The following ZNRF1 variants were observed in gnomAD, a reference collection of about 807,000 sequenced individuals.
ZNRF1 encodes the protein E3 ubiquitin-protein ligase ZNRF1.
ZNRF1 carries 3 observed loss-of-function variants against 18.4 expected under a neutral mutation model. The observed-to-expected ratio is 0.16, with a 90% confidence interval of 0.07 to 0.42. The LOEUF is 0.42. ZNRF1 is among the 10% of genes least tolerant of loss of function. ZNRF1 has a pLI of 0.99. For missense variants in ZNRF1, 310 were observed against 329.8 expected (o/e 0.94, Z 0.47); for synonymous variants, 157 against 144.2 (o/e 1.09, Z -0.64).
At chr16:75,060,350 C>T (rs189595997) in intron 1 of ZNRF1, among the ~76,000 whole-genome samples, 90 of 152,088 alleles carry the variant, frequency 5.9e-4, no homozygotes, top group Middle Eastern at 3.4e-3. Context: ...TGCACCCGGC[C>T]GACAGTTTTC....
chr16:75,069,477 G>T (rs1312854403), intron 1 of ZNRF1, among the ~76,000 whole-genome samples: 1 of 152,074 alleles, frequency 6.6e-6, no homozygotes. Context: ...ACAGTGGCGC[G>T]ATCTCGGCTC....
chr16:75,076,090 A>G (rs1206386643), intron 1 of ZNRF1, among the ~76,000 whole-genome samples: 1 of 152,248 alleles, frequency 6.6e-6, no homozygotes, highest in Non-Finnish European at 1.5e-5. Context: ...TGAGATATAG[A>G]GCCCTGGAGG....
At chr16:75,052,014 A>G (rs912245519) in intron 1 of ZNRF1, among the ~76,000 whole-genome samples, 2 of 152,246 alleles carry the variant, frequency 1.3e-5, no homozygotes, top group Non-Finnish European at 2.9e-5. Context: ...CTTGGTGGAA[A>G]GTTTACATAC....
intron 1 of ZNRF1, among the ~76,000 whole-genome samples, chr16:75,036,416 C>T (rs2035376571): frequency 1.3e-5 from 2 of 152,286 alleles, no homozygotes; most frequent in East Asian, 3.9e-4. Context: ...CAGCCGTGAG[C>T]CACTACACCG....
chr16:75,069,772 C>A (rs866013697), intron 1 of ZNRF1, among the ~76,000 whole-genome samples: 1 of 152,190 alleles, frequency 6.6e-6, no homozygotes, highest in Non-Finnish European at 1.5e-5. Flanking sequence ...AGATCTTCCC[C>A]CTGGGCCTCG....
chr16:74,999,781 A>T lies in ZNRF1; in HGVS notation c.110A>T (p.Tyr37Phe), dbSNP rs149929766. ...GGAGGGGCGCCCCATTTCGGGCACT[A>T]CCGGACGGGCGGCGGGGCCATGGGG... ...PPGGAPHFGH[Y>F]RTGGGAMGLR... The change falls in exon 1 of 5, where the codon TAC (tyrosine) becomes TTC (phenylalanine). Residue 37 changes from tyrosine to phenylalanine, a missense_variant. Around this residue, in one of 2 missense-constraint regions of ZNRF1, gnomAD observed 293 missense variants for 291.2 expected, o/e 1.01. Coordinates refer to ENST00000335325, the MANE Select transcript of ZNRF1 (RefSeq NM_032268.5). 0.021 allele frequency: 29,016 copies of T among 1,412,714 alleles called. 357 individuals carry two copies. Among genetic ancestry groups the T allele is most frequent in the Middle Eastern group, 0.037 (173 of 4,680 alleles). 87.5% of individuals were successfully genotyped at this position (1,412,714 alleles called of 1,614,324 possible). A position where few individuals can be genotyped will look rare whatever the true frequency, so the allele number is the denominator to read the frequency against.
chr16:75,064,217 G>C (rs1384422275), intron 1 of ZNRF1, among the ~76,000 whole-genome samples: 1 of 152,052 alleles, frequency 6.6e-6, no homozygotes, highest in East Asian at 1.9e-4. Context: ...GGGAGGATCA[G>C]TTGAGCCCGG....
At chr16:75,066,257 A>G (rs2035802654) in intron 1 of ZNRF1, among the ~76,000 whole-genome samples, 1 of 152,238 alleles carries the variant, frequency 6.6e-6, no homozygotes, top group Non-Finnish European at 1.5e-5. Context: ...AACTGGCCTA[A>G]TAGTGTATTG....
chr16:75,108,358 C>T lies in ZNRF1; in HGVS notation c.*658C>T. On this transcript the variant is annotated 3_prime_UTR_variant, in exon 5 of 5. Coordinates refer to ENST00000335325, the MANE Select transcript of ZNRF1 (RefSeq NM_032268.5). ...TGATCCCATCTCTTTTCCCTTCTTTCCTCCTGGTTCCGGTCAGTTCAGAGG... is the reference window on the plus strand; with the variant it reads ...TGATCCCATCTCTTTTCCCTTCTTTTCTCCTGGTTCCGGTCAGTTCAGAGG... 5.2e-6 allele frequency: 2 copies of T among 384,354 alleles called. No homozygotes were observed. Among genetic ancestry groups the T allele is most frequent in the Admixed American group, 8.8e-5 (2 of 22,662 alleles). 23.8% of individuals were successfully genotyped at this position (384,354 alleles called of 1,614,324 possible).
At chr16:75,062,094 A>G (rs2035751250) in intron 1 of ZNRF1, among the ~76,000 whole-genome samples, 1 of 152,244 alleles carries the variant, frequency 6.6e-6, no homozygotes, top group Non-Finnish European at 1.5e-5. Flanking sequence ...GATCTAAGCC[A>G]AGTGAGAAAT....
At chr16:75,098,856 G>C (rs562360700) in intron 2 of ZNRF1, among the ~76,000 whole-genome samples, 2 of 152,298 alleles carry the variant, frequency 1.3e-5, no homozygotes, top group African/African-American at 2.4e-5. Context: ...GTCTGCAGCT[G>C]TGTGAGCCTC....
intron 1 of ZNRF1, among the ~76,000 whole-genome samples, chr16:75,062,777 G>C (rs1381231317): frequency 6.6e-6 from 1 of 152,226 alleles, no homozygotes; most frequent in Non-Finnish European, 1.5e-5. Flanking sequence ...CAGGAGGAAC[G>C]AGGAGGAATC....
intron 1 of ZNRF1, among the ~76,000 whole-genome samples, chr16:75,072,502 C>T (rs191517012): frequency 3.3e-4 from 50 of 152,250 alleles, no homozygotes; most frequent in Admixed American, 4.6e-4. Flanking sequence ...GCTTAAACTG[C>T]CCCTTGTACT....
At chr16:75,003,996 T>C (rs2034886878) in intron 1 of ZNRF1, among the ~76,000 whole-genome samples, 1 of 151,690 alleles carries the variant, frequency 6.6e-6, no homozygotes, top group Non-Finnish European at 1.5e-5. Flanking sequence ...GGTCTTATTC[T>C]GTCACCCAGG....
chr16:75,030,665 C>A (rs1383576726), intron 1 of ZNRF1, among the ~76,000 whole-genome samples: 3 of 152,042 alleles, frequency 2.0e-5, no homozygotes, highest in African/African-American at 7.2e-5. Flanking sequence ...CCATTTTCCC[C>A]TACCCAAGAC....
At chr16:75,097,849 A>T (rs146692513) in intron 2 of ZNRF1, among the ~76,000 whole-genome samples, 223 of 152,238 alleles carry the variant, frequency 1.5e-3, no homozygotes, top group African/African-American at 5.2e-3. Flanking sequence ...ATGTGAGAGG[A>T]CCTGGCTTCC....
intron 1 of ZNRF1, among the ~76,000 whole-genome samples, chr16:75,087,939 G>T (rs2036093040): frequency 6.6e-6 from 1 of 152,256 alleles, no homozygotes. Flanking sequence ...CCTGCTCTCA[G>T]AGGCTTAGGG....
chr16:75,052,007 G>C (rs1398456669), intron 1 of ZNRF1, among the ~76,000 whole-genome samples: 4 of 151,866 alleles, frequency 2.6e-5, no homozygotes, highest in Admixed American at 2.0e-4. Flanking sequence ...TTTTCCTCTT[G>C]GTGGAAAGTT....
chr16:75,046,475 C>T (rs2035516783), intron 1 of ZNRF1, among the ~76,000 whole-genome samples: 2 of 151,978 alleles, frequency 1.3e-5, no homozygotes, highest in Non-Finnish European at 2.9e-5. Flanking sequence ...TGATCCCGAA[C>T]TCCTGACCTC....
Sources: allele counts gnomAD v4.1 joint callset (sites outside exome capture counted in the v4.1 genomes callset), GRCh38; gene constraint gnomAD v4.1.1; regional missense constraint gnomAD v4.1.1; transcripts MANE v1.5; gene names NCBI Gene and HGNC (gene_info 2026-07-23, HGNC 2026-07-21).